The following RNF38 variants were observed in gnomAD, a reference collection of about 807,000 sequenced individuals.
RNF38 encodes E3 ubiquitin-protein ligase RNF38.
Under a neutral mutation model 67.2 loss-of-function variants are expected in RNF38, and 15 were observed. The observed-to-expected ratio is 0.22, with a 90% CI of 0.15 to 0.34. The LOEUF is 0.34. Among genes scored for constraint, RNF38 ranks in the 10% least tolerant of loss-of-function variants. The pLI, the probability that RNF38 is intolerant of heterozygous loss-of-function variation, is 1.00. For missense variants in RNF38, 524 were observed against 639.9 expected, an observed-to-expected ratio of 0.82 and a Z score of 1.95; for synonymous variants, 220 against 218.8, an observed-to-expected ratio of 1.01 and a Z score of -0.05.
At chr9:36,370,364 AAC>A (rs1256178109) in intron 3 of RNF38, among the ~76,000 whole-genome samples, 1 of 152,134 alleles carries the variant, frequency 6.6e-6, no homozygotes, top group African/African-American at 2.4e-5. Context: ...CTATTTAGCT[AAC>A]ACATACATAA....
At chr9:36,385,743 G>C (rs1836575520) in intron 2 of RNF38, among the ~76,000 whole-genome samples, 1 of 152,130 alleles carries the variant, frequency 6.6e-6, no homozygotes, top group African/African-American at 2.4e-5. Flanking sequence ...AAATTGATGA[G>C]GTGCACCGAA....
At chr9:36,352,661 T>C (rs533258562) in intron 8 of RNF38, 81 bp downstream of exon 8, 791 of 1,054,386 alleles carry the variant, frequency 7.5e-4, no homozygotes, top group Non-Finnish European at 1.0e-3. Context: ...CCAAAAGCTA[T>C]AGACACAAAG....
chr9:36,389,945 CTAA>C (rs1174764215), intron 2 of RNF38, among the ~76,000 whole-genome samples: 2 of 152,124 alleles, frequency 1.3e-5, no homozygotes, highest in Non-Finnish European at 2.9e-5. Flanking sequence ...TGTTAATAAC[CTAA>C]TGAGTTTCAA....
chr9:36,375,156 T>G (rs1405444439), intron 3 of RNF38, among the ~76,000 whole-genome samples: 2 of 152,142 alleles, frequency 1.3e-5, no homozygotes, highest in African/African-American at 4.8e-5. Context: ...TGAACTAAAC[T>G]TGTCATCTTT....
chr9:36,393,522 T>TGTGTGG (rs57164047), intron 1 of RNF38, among the ~76,000 whole-genome samples: 9 of 124,498 alleles, frequency 7.2e-5, no homozygotes, highest in South Asian at 2.4e-4. Flanking sequence ...TGTGTGTGTG[T>TGTGTGG]GGGGCAGGCA....
intron 1 of RNF38, among the ~76,000 whole-genome samples, chr9:36,432,117 T>C (rs983759554): frequency 1.3e-5 from 2 of 151,714 alleles, no homozygotes; most frequent in Non-Finnish European, 2.9e-5. Flanking sequence ...TGGCTTAATA[T>C]TAATCTGGGT....
chr9:36,372,401 C>T, intron 3 of RNF38: 2 of 576,756 alleles, frequency 3.5e-6, no homozygotes, highest in Non-Finnish European at 6.3e-6. Flanking sequence ...GTTTAATGGC[C>T]CTGTTTATTC....
At chr9:36,481,011 T>C (rs1034399445) in intron 1 of RNF38, among the ~76,000 whole-genome samples, 116 of 149,458 alleles carry the variant, frequency 7.8e-4, no homozygotes, top group Non-Finnish European at 1.4e-3. Context: ...TTTTTTCTTC[T>C]CTTTCTTTTT....
rs61345728 is a variant in RNF38, at chr9:36,416,695, T to TG, written n.312+7917dup. ...AGATAAAAGTCAGAAATGGCTTCCC[T>TG]GGGGACTAGAAGTGTCTACAGGGCT... On this transcript the variant is annotated intron_variant and non_coding_transcript_variant, in intron 2 of 3. Coordinates refer to the RNF38 transcript ENST00000488058. Among the ~76,000 whole-genome samples, 347 of 148,104 alleles carry TG rather than the reference T, an allele frequency of 2.3e-3. 1 individual carries two copies. Among genetic ancestry groups the TG allele is most frequent in the African/African-American group, 8.3e-3 (336 of 40,570 alleles).
chr9:36,436,796 C>T (rs995704621), intron 1 of RNF38, among the ~76,000 whole-genome samples: 11 of 123,858 alleles, frequency 8.9e-5, no homozygotes, highest in African/African-American at 1.6e-4. Context: ...CACTCCAGCA[C>T]GGGCGACAGA....
Position 36,462,968 on chromosome 9 carries a change from C to T in RNF38, n.241+24340G>A, listed in dbSNP as rs535836366. 2.0e-5 allele frequency among the ~76,000 whole-genome samples: 3 copies of T among 151,556 alleles called. No homozygotes were observed. In the East Asian group the frequency reaches 5.8e-4, roughly 29 times the overall value. ...ATTACAGGTGTGAGCCACTGTACCC[C>T]GCCCTGATTTACTTTTTTTTTTTTT... is the stretch of plus-strand genomic sequence containing the variant. On this transcript the variant is annotated intron_variant and non_coding_transcript_variant, in intron 1 of 3. Transcript: ENST00000488058.
In RNF38 at chr9:36,390,412, CA is replaced by C. The variant is rs58764040; in HGVS notation, c.162+54del. On this transcript the variant is annotated intron_variant, in intron 2 of 11. Transcript: ENST00000259605. ...ATTTTGTTTCAAGCCTTCCTAGAAA[CA>C]CTGTAGAATGTGACTTTCAGCCCTA... 980 of 1,471,688 alleles carry C rather than the reference CA, an allele frequency of 6.7e-4. 1 individual carries two copies. The highest frequency in any genetic ancestry group is 1.0e-3 in the Admixed American group (47 of 45,600). 91.2% of individuals were successfully genotyped at this position (1,471,688 alleles called of 1,614,324 possible). A position where few individuals can be genotyped will look rare whatever the true frequency, so the allele number is the denominator to read the frequency against.
At chr9:36,401,170 C>A (rs2480462), upstream of RNF38, 11,330 of 984,716 alleles carry the variant, frequency 0.012, 851 homozygotes, top group African/African-American at 0.17. Context: ...GCGCGCCGAA[C>A]CCCCTTTGTT....
At chr9:36,384,473 G>A (rs755558269) in intron 2 of RNF38, among the ~76,000 whole-genome samples, 1 of 152,120 alleles carries the variant, frequency 6.6e-6, no homozygotes, top group Non-Finnish European at 1.5e-5. Flanking sequence ...GGAAACCTAA[G>A]AAACACCAAC....
At chr9:36,363,873 A>ATTTTTT (rs558655028) in intron 4 of RNF38, among the ~76,000 whole-genome samples, 2 of 76,306 alleles carry the variant, frequency 2.6e-5, no homozygotes, top group South Asian at 9.5e-4. Flanking sequence ...TTATATGCAG[A>ATTTTTT]TTTTTTTTTT....
At chr9:36,450,501 C>T (rs1325648550) in intron 1 of RNF38, among the ~76,000 whole-genome samples, 1 of 152,162 alleles carries the variant, frequency 6.6e-6, no homozygotes, top group Non-Finnish European at 1.5e-5. Flanking sequence ...AATAACTAAA[C>T]TCATGCAAAC....
At chr9:36,485,118 G>C (rs138707688) in intron 1 of RNF38, among the ~76,000 whole-genome samples, 3,067 of 152,268 alleles carry the variant, frequency 0.02, 93 homozygotes, top group African/African-American at 0.065. Flanking sequence ...GCAGTGAGGC[G>C]AGATCACGCC....
rs1036800848 is a variant in RNF38 at position 36,338,044 on chromosome 9, C to T, written c.*1708G>A. 6.6e-6 allele frequency: 1 copy of T among 152,626 alleles called. No homozygotes were observed. The highest frequency in any genetic ancestry group is 2.4e-5 in the African/African-American group (1 of 41,454). The allele number at this position is 152,626 out of a possible 1,614,324, so 9.5% of individuals were successfully genotyped here. On this transcript the variant is annotated 3_prime_UTR_variant, in exon 12 of 12. Transcript: ENST00000259605. ...CACTGAATGGAAAACTGACACAGAGCCAACTGAAAGTTGAGTGGGGCTGGC... is the reference window on the plus strand; with the variant it reads ...CACTGAATGGAAAACTGACACAGAGTCAACTGAAAGTTGAGTGGGGCTGGC...
upstream of RNF38, among the ~76,000 whole-genome samples, chr9:36,402,151 T>C (rs542542837): frequency 2.0e-5 from 3 of 152,296 alleles, no homozygotes; most frequent in Admixed American, 2.0e-4. Flanking sequence ...AACTGCTGAA[T>C]CAAAGTTCCA....
Sources: allele counts gnomAD v4.1 joint callset (sites outside exome capture counted in the v4.1 genomes callset), GRCh38; gene constraint gnomAD v4.1.1; transcripts MANE v1.5; gene names NCBI Gene and HGNC (gene_info 2026-07-23, HGNC 2026-07-21).